PARD3: variants seen among roughly 807,000 people sequenced by gnomAD.
PARD3 encodes partitioning defective 3 homolog.
A neutral mutation model predicts 155.4 loss-of-function variants in PARD3; 75 were observed. The observed-to-expected ratio is 0.48, with a 90% confidence interval of 0.40 to 0.58. The LOEUF (loss-of-function observed/expected upper bound fraction) is 0.58. Ranked by LOEUF, PARD3 falls within the 20% of genes least tolerant of loss-of-function variation. PARD3 has a pLI of 0.00. For synonymous variants in PARD3, 576 were observed against 610.5 expected (o/e 0.94, Z 0.83); for missense variants, 1,642 against 1,721.7 (o/e 0.95, Z 0.82).
chr10:34,310,999 A>C (rs970853759), intron 20 of PARD3, among the ~76,000 whole-genome samples: 1 of 152,256 alleles, frequency 6.6e-6, no homozygotes, highest in African/African-American at 2.4e-5. Flanking sequence ...CAGATTGCAC[A>C]GGATGCCACT....
At chr10:34,246,311 A>G (rs1953946685) in intron 22 of PARD3, among the ~76,000 whole-genome samples, 1 of 152,248 alleles carries the variant, frequency 6.6e-6, no homozygotes, top group South Asian at 2.1e-4. Flanking sequence ...ATAAGCAACT[A>G]GAAAACTAGT....
intron 21 of PARD3, among the ~76,000 whole-genome samples, chr10:34,271,222 A>G (rs1955597525): frequency 6.6e-6 from 1 of 152,200 alleles, no homozygotes; most frequent in South Asian, 2.1e-4. Context: ...AATCAGATAA[A>G]GACAGCAGCA....
intron 2 of PARD3, among the ~76,000 whole-genome samples, chr10:34,574,695 T>A (rs1036599544): frequency 6.6e-6 from 1 of 152,212 alleles, no homozygotes; most frequent in African/African-American, 2.4e-5. Context: ...TTTACGGCAG[T>A]GTTCCCTTTA....
At chr10:34,686,875 C>T in intron 2 of PARD3, among the ~76,000 whole-genome samples, 1 of 151,814 alleles carries the variant, frequency 6.6e-6, no homozygotes, top group Admixed American at 6.6e-5. Flanking sequence ...ATGGTGAAAC[C>T]CTGTCTCTAC....
At chr10:34,528,730 CGG>C (rs2082639244) in intron 2 of PARD3, among the ~76,000 whole-genome samples, 1 of 152,044 alleles carries the variant, frequency 6.6e-6, no homozygotes, top group East Asian at 1.9e-4. Flanking sequence ...CTGAAAACTG[CGG>C]GGTGTCATTA....
At chr10:34,426,636 C>CT (rs1381938640) in intron 5 of PARD3, 3 of 152,106 alleles carry the variant, frequency 2.0e-5, no homozygotes, top group African/African-American at 7.2e-5. Context: ...AGACTAATAT[C>CT]TAGTGGCAAA....
At chr10:34,174,834 T>C (rs1949963804) in intron 22 of PARD3, among the ~76,000 whole-genome samples, 1 of 152,212 alleles carries the variant, frequency 6.6e-6, no homozygotes, top group African/African-American at 2.4e-5. Flanking sequence ...GTTGTATATA[T>C]GATTTTACTG....
chr10:34,800,938 A>G (rs1485620112), intron 1 of PARD3, among the ~76,000 whole-genome samples: 1 of 152,224 alleles, frequency 6.6e-6, no homozygotes, highest in Non-Finnish European at 1.5e-5. Flanking sequence ...TTCACTTCTC[A>G]TCGGTAAAGA....
chr10:34,425,720 C>T (rs185105138), intron 5 of PARD3, among the ~76,000 whole-genome samples: 12 of 152,282 alleles, frequency 7.9e-5, no homozygotes, highest in Admixed American at 3.3e-4. Flanking sequence ...TGGGGACATG[C>T]TACTGTAATC....
chr10:34,354,256 T>C (rs903372406), intron 14 of PARD3, among the ~76,000 whole-genome samples: 1 of 151,838 alleles, frequency 6.6e-6, no homozygotes, highest in Non-Finnish European at 1.5e-5. Context: ...TGGGCACCTG[T>C]AGTCCCAGCT....
intron 2 of PARD3, among the ~76,000 whole-genome samples, chr10:34,546,374 G>A (rs1354403913): frequency 2.0e-5 from 3 of 151,894 alleles, no homozygotes; most frequent in East Asian, 1.9e-4. Flanking sequence ...AAAATTAGCC[G>A]GGCATGGTGG....
chr10:34,245,952 T>C lies in PARD3; in HGVS notation c.3419+23705A>G, dbSNP rs903102654. On this transcript the variant is annotated intron_variant, in intron 22 of 24. Coordinates refer to ENST00000374788, the MANE Select transcript of PARD3 (RefSeq NM_001184785.2). The stretch of plus-strand genomic sequence containing the variant: ...GCTGAAGACGTGACAGGGAGAAACA[T>C]AGACAAGGGTGTAGGCACGTGAGAA... Among the ~76,000 whole-genome samples, 4 of 152,188 alleles carry C rather than the reference T, an allele frequency of 2.6e-5. No individual in the cohort carries two copies. The East Asian group carries it at 5.8e-4, about 22-fold the overall frequency.
intron 1 of PARD3, among the ~76,000 whole-genome samples, chr10:34,766,705 G>GA (rs57862696): frequency 0.29 from 42,752 of 149,166 alleles, 6,415 homozygotes; most frequent in East Asian, 0.54. Context: ...CAGGGGTATA[G>GA]AAACAAAGGC....
intron 1 of PARD3, among the ~76,000 whole-genome samples, chr10:34,776,613 C>T (rs188682187): frequency 1.1e-4 from 16 of 150,908 alleles, no homozygotes; most frequent in African/African-American, 3.9e-4. Flanking sequence ...TATTTGGGGC[C>T]AGGAAGAGAT....
chr10:34,680,049 T>G (rs2093782464), intron 2 of PARD3, among the ~76,000 whole-genome samples: 2 of 152,104 alleles, frequency 1.3e-5, no homozygotes, highest in Non-Finnish European at 2.9e-5. Context: ...TATGAGCATG[T>G]AAGAACCTGC....
At chr10:34,414,351 T>C (rs998275217) in intron 5 of PARD3, among the ~76,000 whole-genome samples, 1 of 152,172 alleles carries the variant, frequency 6.6e-6, no homozygotes, top group African/African-American at 2.4e-5. Context: ...TCAGCTGTTT[T>C]CTCAAGGCAC....
intron 5 of PARD3, among the ~76,000 whole-genome samples, chr10:34,433,889 C>T (rs1319049690): frequency 6.6e-6 from 1 of 152,202 alleles, no homozygotes; most frequent in East Asian, 1.9e-4. Flanking sequence ...TGCCTCCACA[C>T]ATTGAGTCAT....
intron 2 of PARD3, among the ~76,000 whole-genome samples, chr10:34,688,995 G>A (rs2094000147): frequency 6.6e-6 from 1 of 152,146 alleles, no homozygotes; most frequent in East Asian, 1.9e-4. Context: ...GCAGCAGGAG[G>A]GGGACTGTAA....
intron 3 of PARD3, among the ~76,000 whole-genome samples, chr10:34,489,390 C>T (rs963313015): frequency 2.0e-5 from 3 of 152,164 alleles, no homozygotes; most frequent in African/African-American, 2.4e-5. Flanking sequence ...AGTAAAGGAT[C>T]GGATGCTGCC....
Sources: gnomAD v4.1 joint callset for allele counts (sites outside exome capture counted in the v4.1 genomes callset) on GRCh38, gnomAD v4.1.1 for gene constraint, MANE v1.5 for transcripts, NCBI Gene and HGNC (gene_info 2026-07-23, HGNC 2026-07-21) for gene names.